PDE4A: variants seen among roughly 807,000 people sequenced by gnomAD.
PDE4A encodes the protein 3',5'-cyclic-AMP phosphodiesterase 4A.
Under a neutral mutation model 73.9 loss-of-function variants are expected in PDE4A, and 21 were observed. The ratio of observed to expected loss-of-function variants is 0.28; its 90% CI spans 0.20 to 0.41. The LOEUF (loss-of-function observed/expected upper bound fraction) is 0.41. Among genes scored for constraint, PDE4A ranks in the 10% least tolerant of loss-of-function variants. The pLI is 1.00. For missense variants in PDE4A, 958 were observed against 1,211.4 expected (o/e 0.79, Z 3.10); for synonymous variants, 463 against 505.4 (o/e 0.92, Z 1.13).
Position 10,459,454 on chromosome 19 carries a change from G to A in PDE4A, c.1156G>A (p.Ala386Thr). The A allele has an allele frequency of 3.1e-6, 5 of 1,614,174 alleles. No individual in the cohort carries two copies. The highest frequency in any genetic ancestry group is 4.2e-6 in the Non-Finnish European group (5 of 1,180,008). Residue 386 changes from alanine to threonine, a missense_variant, in exon 9 of 15, where the codon GCT becomes ACT. By Grantham distance (58) the Ala-to-Thr change is moderately conservative. Transcript: ENST00000380702. ...GLNIFCVSDY[A>T]GGRSLTCIMY... is the part of the protein sequence containing the mutation. ...GAACATCTTTTGCGTGTCGGATTAC[G>A]CTGGAGGCCGCTCACTCACCTGCAT...
chr19:10,463,003 G>A (rs1367645796), intron 13 of PDE4A, among the ~76,000 whole-genome samples: 2 of 152,174 alleles, frequency 1.3e-5, no homozygotes, highest in Non-Finnish European at 2.9e-5. Flanking sequence ...AGACCAGCCA[G>A]AGCAACATTG....
chr19:10,447,125 C>A (rs1032202918), intron 2 of PDE4A, among the ~76,000 whole-genome samples: 1 of 148,450 alleles, frequency 6.7e-6, no homozygotes, highest in African/African-American at 2.5e-5. Context: ...TGGTCTCGAT[C>A]TCCTGACCTC....
chr19:10,427,020 G>A (rs887470817), intron 1 of PDE4A, among the ~76,000 whole-genome samples: 2 of 152,046 alleles, frequency 1.3e-5, no homozygotes, highest in African/African-American at 4.8e-5. Context: ...GGGAGGTAAG[G>A]GCCGGGCGCA....
intron 6 of PDE4A, among the ~76,000 whole-genome samples, chr19:10,451,369 T>C (rs2043088644): frequency 6.6e-6 from 1 of 152,034 alleles, no homozygotes; most frequent in African/African-American, 2.4e-5. Context: ...TGTGTCTGTC[T>C]GGTTGTACAT....
At chr19:10,440,374 G>T (rs1599421084) in intron 1 of PDE4A, among the ~76,000 whole-genome samples, 3 of 151,914 alleles carry the variant, frequency 2.0e-5, no homozygotes, top group Admixed American at 2.0e-4. Context: ...TATCTTTTCT[G>T]CAGATATGCC....
chr19:10,449,027 C>T, intron 3 of PDE4A, 53 bp from the exon 4 acceptor site: 1 of 1,611,018 alleles, frequency 6.2e-7, no homozygotes, highest in Non-Finnish European at 8.5e-7. Flanking sequence ...CAGGGCCCAG[C>T]CCCGCTGCCT....
intron 14 of PDE4A, among the ~76,000 whole-genome samples, chr19:10,465,238 G>C (rs1414621291): frequency 8.0e-6 from 1 of 124,342 alleles, no homozygotes; most frequent in African/African-American, 3.0e-5. Flanking sequence ...TTTTTTTTTT[G>C]AGACAGAGTT....
In PDE4A at chr19:10,461,649, G is replaced by A. The variant is rs772431261; in HGVS notation, c.1589G>A (p.Arg530Gln). Residue 530 changes from arginine (R) to glutamine (Q), a missense_variant, in exon 12 of 15, where the codon CGG becomes CAG. Around this residue, in one of 3 missense-constraint regions of PDE4A, gnomAD observed 570 missense variants for 827.7 expected, o/e 0.69. Coordinates refer to ENST00000380702, the MANE Select transcript of PDE4A (RefSeq NM_001111307.2). ...DIFQNLSKRQ[R>Q]QSLRKMVIDM... The stretch of plus-strand genomic sequence containing the variant: ...TTCCAGAACCTCAGCAAGCGCCAGC[G>A]GCAGAGCCTACGCAAGATGGTCATC... 6.2e-7 allele frequency: 1 copy of A among 1,613,854 alleles called. No homozygotes were observed. The highest frequency in any genetic ancestry group is 1.1e-5 in the South Asian group (1 of 91,072).
At position 10,468,298 on chromosome 19, in the gene PDE4A, G is replaced by A. The variant is rs2043415984; in HGVS notation, c.*677G>A. 6.6e-6 allele frequency: 1 copy of A among 152,526 alleles called. No individual in the cohort carries two copies. The highest frequency in any genetic ancestry group is 2.4e-5 in the African/African-American group (1 of 41,378). The allele number at this position is 152,526 out of a possible 1,614,324, so 9.4% of individuals were successfully genotyped here. ...GCGATACTGACTAGAAAGTCAGGGAGCTGGGGGAGCTGTTCACTTTAGGAT... is the reference window on the plus strand; with the variant it reads ...GCGATACTGACTAGAAAGTCAGGGAACTGGGGGAGCTGTTCACTTTAGGAT... On this transcript the variant is annotated 3_prime_UTR_variant, in exon 15 of 15. Coordinates refer to ENST00000380702, the MANE Select transcript of PDE4A (RefSeq NM_001111307.2).
At chr19:10,427,925 G>A (rs570995040) in intron 1 of PDE4A, 3 of 905,942 alleles carry the variant, frequency 3.3e-6, no homozygotes, top group East Asian at 1.2e-4. Flanking sequence ...AGCCTGGGAG[G>A]TGGAGGTTGC....
chr19:10,417,051 C>T, upstream of PDE4A: 1 of 1,520,476 alleles, frequency 6.6e-7, no homozygotes. Context: ...GACTAGCGCC[C>T]TCTAGTGACC....
intron 1 of PDE4A, chr19:10,430,820 GC>G: frequency 9.7e-7 from 1 of 1,032,894 alleles, no homozygotes; most frequent in African/African-American, 1.7e-5. Context: ...CCCAGCGCCC[GC>G]CGAGGCGGGG....
upstream of PDE4A, chr19:10,418,657 C>A: frequency 1.7e-6 from 1 of 597,850 alleles, no homozygotes; most frequent in Non-Finnish European, 2.1e-6. Flanking sequence ...GCCTCAGGTC[C>A]AGATCAGTTT....
intron 14 of PDE4A, 40 bp from the exon 15 acceptor site, chr19:10,466,847 C>T (rs1400145636): frequency 4.4e-6 from 7 of 1,591,274 alleles, no homozygotes; most frequent in African/African-American, 1.3e-5. Flanking sequence ...TATCATCCAC[C>T]CCATAGGCCG....
intron 11 of PDE4A, 150 bp from the exon 12 acceptor site, chr19:10,461,376 A>G (rs1423980412): frequency 3.2e-6 from 4 of 1,245,014 alleles, no homozygotes; most frequent in Non-Finnish European, 3.0e-6. Context: ...TGGGCTGGAA[A>G]GGGGATGGCC....
upstream of PDE4A, chr19:10,418,884 T>C: frequency 1.0e-6 from 1 of 981,318 alleles, no homozygotes; most frequent in South Asian, 4.7e-5. Context: ...TAGAAGCCGT[T>C]TTGAGTGTGT....
intron 2 of PDE4A, among the ~76,000 whole-genome samples, chr19:10,447,217 CTTTTTT>C (rs34169084): frequency 5.1e-5 from 3 of 59,214 alleles, no homozygotes; most frequent in East Asian, 1.3e-3. Flanking sequence ...CTTTTTTTCT[CTTTTTT>C]TTTTTTTTTT....
At chr19:10,457,788 T>C (rs1020183174) in intron 7 of PDE4A, 91 bp from the exon 8 acceptor site, 2 of 1,550,728 alleles carry the variant, frequency 1.3e-6, no homozygotes. Flanking sequence ...CGGGTGAGCC[T>C]TCCCCGTACG....
intron 6 of PDE4A, 38 bp downstream of exon 6, chr19:10,450,979 G>A: frequency 6.5e-7 from 1 of 1,545,962 alleles, no homozygotes. Context: ...GGCGGGGCAG[G>A]CGGGGGCGGG....
Sources: gnomAD v4.1 joint callset for allele counts (sites outside exome capture counted in the v4.1 genomes callset) on GRCh38, gnomAD v4.1.1 for gene constraint, gnomAD v4.1.1 regional missense constraint, MANE v1.5 for transcripts, NCBI Gene and HGNC (gene_info 2026-07-23, HGNC 2026-07-21) for gene names.